RBMS3: variants seen among roughly 807,000 people sequenced by gnomAD.
RBMS3 encodes the protein RNA binding motif single stranded interacting protein 3.
RBMS3 carries 27 observed loss-of-function variants against 66.8 expected under a neutral mutation model. The observed-to-expected ratio is 0.40, with a 90% CI of 0.30 to 0.56. RBMS3 has a LOEUF of 0.56. Among genes scored for constraint, RBMS3 ranks in the 20% least tolerant of loss-of-function variants. The pLI is 0.40. For missense variants in RBMS3, 513 were observed against 549.5 expected (o/e 0.93, Z 0.66); for synonymous variants, 188 against 183.0 (o/e 1.03, Z -0.22).
chr3:29,558,762 T>C (rs747153493), intron 3 of RBMS3, among the ~76,000 whole-genome samples: 40 of 152,232 alleles, frequency 2.6e-4, no homozygotes, highest in Non-Finnish European at 5.0e-4. Flanking sequence ...TGCTGGGCTC[T>C]ACCCTGCAGT....
chr3:29,557,335 T>C (rs1332461033), intron 3 of RBMS3, among the ~76,000 whole-genome samples: 4 of 152,322 alleles, frequency 2.6e-5, no homozygotes, highest in Admixed American at 2.6e-4. Context: ...TGTGTGTATG[T>C]TGTTTTTCAA....
chr3:29,987,542 T>C (rs1006483728), intron 12 of RBMS3, among the ~76,000 whole-genome samples: 2 of 152,160 alleles, frequency 1.3e-5, no homozygotes, highest in African/African-American at 4.8e-5. Context: ...GATATGAGAA[T>C]GAAATGGGAG....
At chr3:29,691,947 C>CTCTTTTTTTTTTTTTTTTTTTTTT (rs1218393454) in intron 4 of RBMS3, among the ~76,000 whole-genome samples, 1 of 53,538 alleles carries the variant, frequency 1.9e-5, no homozygotes, top group Admixed American at 1.9e-4. Context: ...CTCTCTCTCT[C>CTCTTTTTTTTTTTTTTTTTTTTTT]TATTTTTTTT....
rs77514855 is a variant in RBMS3, at chr3:29,928,072, C to T, written c.940-8014C>T. ...GGACATTTCCACTATGAAAAACTAA[C>T]GCAGCTCTAGGTTGCACTTTGGGAA... On this transcript the variant is annotated intron_variant, in intron 10 of 14. Transcript: ENST00000383767. Among the ~76,000 whole-genome samples, 1,114 of 151,496 alleles carry T rather than the reference C, an allele frequency of 7.4e-3. 14 individuals are homozygous for T. Among genetic ancestry groups the T allele is most frequent in the African/African-American group, 0.025 (1,033 of 41,286 alleles).
At chr3:29,352,897 C>T (rs2036999032) in intron 1 of RBMS3, among the ~76,000 whole-genome samples, 1 of 151,568 alleles carries the variant, frequency 6.6e-6, no homozygotes, top group Admixed American at 6.6e-5. Flanking sequence ...CAGTTCCATC[C>T]ATGTCACTGT....
intron 4 of RBMS3, among the ~76,000 whole-genome samples, chr3:29,635,909 A>C (rs1189614317): frequency 6.6e-6 from 1 of 151,892 alleles, no homozygotes; most frequent in Non-Finnish European, 1.5e-5. Context: ...AAAAGAATCA[A>C]GCAAGGAAGA....
chr3:29,673,312 A>G (rs202136779), intron 4 of RBMS3, among the ~76,000 whole-genome samples: 1 of 152,148 alleles, frequency 6.6e-6, no homozygotes, highest in Non-Finnish European at 1.5e-5. Context: ...TCTAAAATCA[A>G]CACCCTAAAA....
intron 1 of RBMS3, among the ~76,000 whole-genome samples, chr3:29,301,677 G>C (rs2125446798): frequency 6.6e-6 from 1 of 152,094 alleles, no homozygotes; most frequent in Non-Finnish European, 1.5e-5. Context: ...TTTTTTGAAT[G>C]ACCGACTGAC....
At chr3:29,293,281 G>A (rs1251324674) in intron 1 of RBMS3, among the ~76,000 whole-genome samples, 1 of 151,690 alleles carries the variant, frequency 6.6e-6, no homozygotes, top group Admixed American at 6.6e-5. Flanking sequence ...GTTGTTCTGT[G>A]TGGAAAGAAT....
chr3:29,362,483 T>G (rs9849512), intron 1 of RBMS3, among the ~76,000 whole-genome samples: 285 of 152,316 alleles, frequency 1.9e-3, no homozygotes, highest in African/African-American at 6.6e-3. Flanking sequence ...CCAGATAGGC[T>G]GCTCGGGGGT....
intron 1 of RBMS3, among the ~76,000 whole-genome samples, chr3:29,381,192 C>G (rs932388323): frequency 1.3e-5 from 2 of 152,130 alleles, no homozygotes; most frequent in African/African-American, 4.8e-5. Flanking sequence ...CTGGCATTGA[C>G]AAGTAGTAGA....
chr3:29,642,924 C>A (rs557460447), intron 4 of RBMS3: 2 of 152,196 alleles, frequency 1.3e-5, no homozygotes, highest in Non-Finnish European at 2.9e-5. Flanking sequence ...TTCCCTCAGT[C>A]GATCCCAGAG....
At chr3:29,377,976 T>G (rs1427031808) in intron 1 of RBMS3, among the ~76,000 whole-genome samples, 1 of 152,328 alleles carries the variant, frequency 6.6e-6, no homozygotes, top group East Asian at 1.9e-4. Context: ...ATCCCATTCC[T>G]GATATTATCA....
At chr3:29,802,256 A>T (rs1396829651) in intron 6 of RBMS3, among the ~76,000 whole-genome samples, 2 of 152,154 alleles carry the variant, frequency 1.3e-5, no homozygotes, top group Admixed American at 1.3e-4. Context: ...ACTGCTATTT[A>T]TCTATCTGAC....
chr3:29,742,516 C>G (rs2054692201), intron 5 of RBMS3, among the ~76,000 whole-genome samples: 1 of 152,208 alleles, frequency 6.6e-6, no homozygotes. Flanking sequence ...TGACTTCTGC[C>G]TGCTCATCTC....
At chr3:29,395,524 C>T (rs535311487) in intron 1 of RBMS3, among the ~76,000 whole-genome samples, 17 of 152,148 alleles carry the variant, frequency 1.1e-4, no homozygotes, top group Non-Finnish European at 2.4e-4. Context: ...CTGGAGAGTG[C>T]TATGATGCTT....
At chr3:29,941,452 G>A (rs1045976892) in intron 11 of RBMS3, among the ~76,000 whole-genome samples, 1 of 151,610 alleles carries the variant, frequency 6.6e-6, no homozygotes, top group Non-Finnish European at 1.5e-5. Context: ...ATCTAAAATA[G>A]TTTTTTAGGA....
chr3:29,463,616 A>C (rs1488680840), intron 2 of RBMS3, among the ~76,000 whole-genome samples: 1 of 37,134 alleles, frequency 2.7e-5, no homozygotes, highest in East Asian at 9.3e-4. Flanking sequence ...GGTTAGTTGA[A>C]AAAAAAAAAA....
intron 6 of RBMS3, among the ~76,000 whole-genome samples, chr3:29,843,859 G>A (rs2058718246): frequency 6.6e-6 from 1 of 151,798 alleles, no homozygotes; most frequent in Admixed American, 6.6e-5. Flanking sequence ...TGAGGCACAA[G>A]AATCACTTGA....
Sources: allele counts gnomAD v4.1 joint callset (sites outside exome capture counted in the v4.1 genomes callset), GRCh38; gene constraint gnomAD v4.1.1; transcripts MANE v1.5; gene names NCBI Gene and HGNC (gene_info 2026-07-23, HGNC 2026-07-21).